Variants in ARB2A observed in about 807,000 individuals in gnomAD.
ARB2A encodes the protein ARB2 cotranscriptional regulator A.
the ARB2A span, chr5:93,781,756 T>C: frequency 2.7e-6 from 1 of 365,508 alleles, no homozygotes; most frequent in Non-Finnish European, 3.8e-6. Flanking sequence ...TTGGTTTTAA[T>C]TTGCATTTCT....
the ARB2A span, among the ~76,000 whole-genome samples, chr5:93,871,903 T>A: frequency 2.0e-5 from 3 of 151,996 alleles, no homozygotes; most frequent in African/African-American, 4.8e-5. Flanking sequence ...TCTTCCCATG[T>A]TTCCTATGGG....
At chr5:93,793,127 C>T in the ARB2A span, among the ~76,000 whole-genome samples, 3 of 151,520 alleles carry the variant, frequency 2.0e-5, no homozygotes, top group Non-Finnish European at 4.4e-5. Context: ...AGCTGAAGTG[C>T]AGTGGTAGGA....
the ARB2A span, among the ~76,000 whole-genome samples, chr5:93,866,617 T>G: frequency 6.6e-6 from 1 of 152,172 alleles, no homozygotes; most frequent in African/African-American, 2.4e-5. Context: ...TATATGCCGG[T>G]TTTGTATATG....
At chr5:94,099,083 A>G in the ARB2A span, among the ~76,000 whole-genome samples, 2 of 152,192 alleles carry the variant, frequency 1.3e-5, no homozygotes, top group Non-Finnish European at 2.9e-5. Flanking sequence ...TGCAGAAACT[A>G]TTCCAAAAAA....
the ARB2A span, among the ~76,000 whole-genome samples, chr5:94,094,982 G>A: frequency 2.0e-5 from 3 of 152,310 alleles, no homozygotes; most frequent in South Asian, 4.1e-4. Context: ...TCCCCATGAC[G>A]TCATGATCAC....
chr5:93,935,015 G>T, the ARB2A span, among the ~76,000 whole-genome samples: 1 of 152,160 alleles, frequency 6.6e-6, no homozygotes, highest in Non-Finnish European at 1.5e-5. Context: ...TCATAAGTGG[G>T]AGCTAAGCTA....
At chr5:93,780,358 G>T in the ARB2A span, among the ~76,000 whole-genome samples, 1 of 152,092 alleles carries the variant, frequency 6.6e-6, no homozygotes, top group African/African-American at 2.4e-5. Context: ...ACAGTCCTGG[G>T]GTTTGAAGTA....
chr5:93,802,030 CAT>C, the ARB2A span, among the ~76,000 whole-genome samples: 1 of 151,970 alleles, frequency 6.6e-6, no homozygotes, highest in African/African-American at 2.4e-5. Flanking sequence ...TTTTACCATG[CAT>C]ATTCTGAATA....
the ARB2A span, among the ~76,000 whole-genome samples, chr5:93,967,942 C>CT: frequency 6.6e-6 from 1 of 151,896 alleles, no homozygotes; most frequent in Non-Finnish European, 1.5e-5. Context: ...TAAAATAACT[C>CT]TAAGAGTCAG....
chr5:93,972,484 G>A, the ARB2A span, among the ~76,000 whole-genome samples: 1 of 151,632 alleles, frequency 6.6e-6, no homozygotes, highest in African/African-American at 2.4e-5. Flanking sequence ...AAAAAAGAGA[G>A]AGAGAAGTAT....
the ARB2A span, chr5:93,805,672 G>A: frequency 7.1e-6 from 7 of 985,028 alleles, no homozygotes; most frequent in Non-Finnish European, 8.4e-6. Flanking sequence ...AAATTTAAGG[G>A]GAAGAAATAC....
the ARB2A span, among the ~76,000 whole-genome samples, chr5:93,954,386 T>C: frequency 6.6e-6 from 1 of 151,860 alleles, no homozygotes; most frequent in Non-Finnish European, 1.5e-5. Context: ...GAGTTCCTCC[T>C]AGCCCAGGAT....
chr5:94,052,884 G>A, the ARB2A span, among the ~76,000 whole-genome samples: 2 of 152,090 alleles, frequency 1.3e-5, no homozygotes, highest in African/African-American at 2.4e-5. Context: ...ATTAGTTCAC[G>A]TAACTTGACA....
chr5:93,881,014 AATGTTTTGT>A, the ARB2A span, among the ~76,000 whole-genome samples: 4 of 151,634 alleles, frequency 2.6e-5, no homozygotes, highest in African/African-American at 7.3e-5. Context: ...CCCCAAGATG[AATGTTTTGT>A]ATGGAGCATT....
At chr5:94,026,676 G>A in the ARB2A span, among the ~76,000 whole-genome samples, 2,376 of 152,268 alleles carry the variant, frequency 0.016, 30 homozygotes, top group South Asian at 0.04. Flanking sequence ...AGTAAAGTAC[G>A]CCAAATGGGA....
At chr5:93,963,652 A>G in the ARB2A span, among the ~76,000 whole-genome samples, 1 of 151,972 alleles carries the variant, frequency 6.6e-6, no homozygotes, top group Non-Finnish European at 1.5e-5. Flanking sequence ...ATTTCATGCA[A>G]ACAAAATTAT....
chr5:94,010,870 A>C, the ARB2A span, among the ~76,000 whole-genome samples: 12 of 152,184 alleles, frequency 7.9e-5, no homozygotes, highest in Non-Finnish European at 1.6e-4. Flanking sequence ...AAAGTTCATA[A>C]TGGGTTGAGT....
chr5:93,945,122 G>A, the ARB2A span, among the ~76,000 whole-genome samples: 1 of 152,340 alleles, frequency 6.6e-6, no homozygotes, highest in African/African-American at 2.4e-5. Flanking sequence ...AACACTGTAA[G>A]AGACAAGAGA....
chr5:93,827,617 A>G, the ARB2A span, among the ~76,000 whole-genome samples: 1 of 151,594 alleles, frequency 6.6e-6, no homozygotes, highest in Non-Finnish European at 1.5e-5. Flanking sequence ...CCCATTTGTC[A>G]ATTTTGGCTT....
Sources: allele counts gnomAD v4.1 joint callset (sites outside exome capture counted in the v4.1 genomes callset), GRCh38; gene constraint gnomAD v4.1.1; transcripts MANE v1.5; gene names NCBI Gene and HGNC (gene_info 2026-07-23, HGNC 2026-07-21).